Variants in TSHZ3 observed in about 807,000 individuals in gnomAD.
TSHZ3 encodes the protein teashirt homolog 3.
A neutral mutation model predicts 64.5 loss-of-function variants in TSHZ3; 10 were observed. The observed-to-expected ratio is 0.16, with a 90% CI of 0.10 to 0.26. The LOEUF (loss-of-function observed/expected upper bound fraction) is 0.26, where lower values mean the gene tolerates loss of function less well. Among genes scored for constraint, TSHZ3 ranks in the 10% least tolerant of loss-of-function variants. TSHZ3 has a pLI of 1.00. For missense variants in TSHZ3, 1,242 were observed against 1,421.7 expected (o/e 0.87, Z 2.03); for synonymous variants, 608 against 593.1 (o/e 1.03, Z -0.36).
chr19:31,240,972 C>G (rs1169207264), intron 3 of TSHZ3, among the ~76,000 whole-genome samples: 2 of 152,094 alleles, frequency 1.3e-5, no homozygotes, highest in Non-Finnish European at 2.9e-5. Flanking sequence ...GTTTTAAAGT[C>G]TTTGCTAGCT....
At chr19:31,163,455 G>C (rs1419568492) in intron 5 of TSHZ3, among the ~76,000 whole-genome samples, 1 of 152,180 alleles carries the variant, frequency 6.6e-6, no homozygotes, top group African/African-American at 2.4e-5. Context: ...ATGGTGGCTG[G>C]GCACAGTGGC....
intron 1 of TSHZ3, among the ~76,000 whole-genome samples, chr19:31,317,657 G>A (rs1263334064): frequency 6.6e-6 from 1 of 152,190 alleles, no homozygotes; most frequent in Non-Finnish European, 1.5e-5. Flanking sequence ...TGGAGAGCAG[G>A]GCGCATCCCC....
chr19:31,325,566 A>G (rs1311294158), intron 1 of TSHZ3, among the ~76,000 whole-genome samples: 2 of 152,080 alleles, frequency 1.3e-5, no homozygotes, highest in Admixed American at 6.5e-5. Context: ...GCGCACTCCC[A>G]CGCAGCTGTG....
At chr19:31,176,415 G>A (rs1306016282) in intron 5 of TSHZ3, among the ~76,000 whole-genome samples, 1 of 152,122 alleles carries the variant, frequency 6.6e-6, no homozygotes, top group Non-Finnish European at 1.5e-5. Context: ...GATATGAAGA[G>A]ATACTTTACA....
chr19:31,321,164 T>C (rs916957396), intron 1 of TSHZ3, among the ~76,000 whole-genome samples: 23 of 152,230 alleles, frequency 1.5e-4, no homozygotes, highest in African/African-American at 5.1e-4. Context: ...CCAGCATCCC[T>C]TTCCACCAAG....
intron 1 of TSHZ3, among the ~76,000 whole-genome samples, chr19:31,331,251 T>C (rs1186089020): frequency 6.6e-6 from 1 of 152,264 alleles, no homozygotes; most frequent in South Asian, 2.1e-4. Flanking sequence ...TCAGGAAACA[T>C]GTCTGTAAAA....
At chr19:31,235,670 CTTCT>C (rs1374724225) in intron 3 of TSHZ3, among the ~76,000 whole-genome samples, 2 of 58,824 alleles carry the variant, frequency 3.4e-5, no homozygotes, top group African/African-American at 6.5e-5. Context: ...CTATTTCTTT[CTTCT>C]TTCTTTCTTT....
chr19:31,316,361 C>G (rs760957003), intron 1 of TSHZ3, among the ~76,000 whole-genome samples: 5 of 152,206 alleles, frequency 3.3e-5, no homozygotes, highest in Non-Finnish European at 5.9e-5. Flanking sequence ...GAAGACGGCA[C>G]CTCTAAAGTC....
chr19:31,339,366 C>T (rs536531713), intron 1 of TSHZ3, among the ~76,000 whole-genome samples: 14 of 152,180 alleles, frequency 9.2e-5, no homozygotes, highest in African/African-American at 3.4e-4. Flanking sequence ...ATCTCCCACC[C>T]GCCACGCCAC....
At chr19:31,310,479 A>AC (rs1916427819) in intron 1 of TSHZ3, among the ~76,000 whole-genome samples, 1 of 152,102 alleles carries the variant, frequency 6.6e-6, no homozygotes, top group East Asian at 1.9e-4. Context: ...GAACTCAGGG[A>AC]CCCACTGCTC....
chr19:31,222,312 A>G (rs1975403371), intron 4 of TSHZ3, among the ~76,000 whole-genome samples: 1 of 152,208 alleles, frequency 6.6e-6, no homozygotes, highest in African/African-American at 2.4e-5. Flanking sequence ...TATATATTGG[A>G]GTCCACAATG....
At chr19:31,185,181 G>C (rs4805647) in intron 5 of TSHZ3, among the ~76,000 whole-genome samples, 110,550 of 151,942 alleles carry the variant, frequency 0.73, 40,927 homozygotes, top group African/African-American at 0.88. Context: ...GCCAGTGGCC[G>C]CCATGCAGAC....
rs1363322988 is a variant in TSHZ3 at position 31,277,764 on chromosome 19, C to T, written c.2029G>A (p.Gly677Arg). 8 of 1,529,214 alleles carry T rather than the reference C, an allele frequency of 5.2e-6. No individual in the cohort carries two copies. In the African/African-American group the frequency reaches 6.9e-5, roughly 13 times the overall value. The allele number at this position is 1,529,214 out of a possible 1,614,324, so 94.7% of individuals were successfully genotyped here. A position where few individuals can be genotyped will look rare whatever the true frequency, so the allele number is the denominator to read the frequency against. ...QENSPSPPRD[G>R]CKDGSPLAEP... ...GCGAGGGGGCTCCCATCCTTGCACC[C>T]ATCCCGCGGGGGGCTGGGGCTGTTC... is the stretch of plus-strand genomic sequence containing the variant. Residue 677 changes from glycine to arginine, a missense_variant, in exon 2 of 2, where the codon GGG (glycine) becomes AGG (arginine). This residue lies in a region of TSHZ3 where 550 missense variants were observed against 545.1 expected (regional missense o/e 1.01). Coordinates refer to ENST00000240587, the MANE Select transcript of TSHZ3 (RefSeq NM_020856.4). This position sits in a 1 kb window ranked among gnomAD's most constrained non-coding sequence, Gnocchi z 4.5.
chr19:31,250,716 C>T (rs956846101), intron 1 of TSHZ3, among the ~76,000 whole-genome samples: 14 of 152,290 alleles, frequency 9.2e-5, no homozygotes, highest in Middle Eastern at 6.8e-3. Flanking sequence ...AGCCGGCTGG[C>T]GCTGTCATCT....
At chr19:31,186,401 T>C (rs780459924) in intron 5 of TSHZ3, among the ~76,000 whole-genome samples, 9 of 152,128 alleles carry the variant, frequency 5.9e-5, no homozygotes, top group Non-Finnish European at 1.0e-4. Context: ...TCTCACAAGA[T>C]CTGAATGGTT....
At chr19:31,344,244 C>T (rs148968907) in intron 1 of TSHZ3, among the ~76,000 whole-genome samples, 1 of 152,326 alleles carries the variant, frequency 6.6e-6, no homozygotes, top group Non-Finnish European at 1.5e-5. Context: ...CTGGATACCA[C>T]TGTTCCCTTC....
chr19:31,156,808 C>G (rs1404885754), intron 5 of TSHZ3, among the ~76,000 whole-genome samples: 1 of 152,172 alleles, frequency 6.6e-6, no homozygotes, highest in East Asian at 1.9e-4. Context: ...TGGCTTAACA[C>G]AGGCAGCCGA....
chr19:31,250,207 C>T (rs1474243646), intron 1 of TSHZ3, among the ~76,000 whole-genome samples: 1 of 152,200 alleles, frequency 6.6e-6, no homozygotes. Context: ...CTTTCCTCAC[C>T]CCTATACCTG....
chr19:31,347,885 G>A (rs189783336), intron 1 of TSHZ3, among the ~76,000 whole-genome samples: 12 of 152,304 alleles, frequency 7.9e-5, no homozygotes, highest in South Asian at 2.1e-4. Flanking sequence ...TGGCAGTGCC[G>A]GCTGGCATGA....
Sources: gnomAD v4.1 joint callset for allele counts (sites outside exome capture counted in the v4.1 genomes callset) on GRCh38, gnomAD v4.1.1 for gene constraint, gnomAD v4.1.1 regional missense constraint, Gnocchi (gnomAD v3.1) non-coding constraint, MANE v1.5 for transcripts, NCBI Gene and HGNC (gene_info 2026-07-23, HGNC 2026-07-21) for gene names.